Variants in PLXDC2 observed in about 807,000 individuals in gnomAD.
PLXDC2 encodes the protein plexin domain containing 2.
A neutral mutation model predicts 68.9 loss-of-function variants in PLXDC2; 40 were observed. The observed-to-expected ratio is 0.58, with a 90% confidence interval of 0.45 to 0.76. The LOEUF (loss-of-function observed/expected upper bound fraction) is 0.76. PLXDC2 is among the 30% of genes least tolerant of loss of function. The pLI is 0.00. For synonymous variants in PLXDC2, 243 were observed against 234.2 expected (o/e 1.04, Z -0.34); for missense variants, 644 against 661.9 (o/e 0.97, Z 0.30).
chr10:20,029,836 A>G (rs2131666268), intron 2 of PLXDC2, among the ~76,000 whole-genome samples: 1 of 152,272 alleles, frequency 6.6e-6, no homozygotes, highest in African/African-American at 2.4e-5. Context: ...TTAATAACTC[A>G]CGAAAGGATT....
intron 3 of PLXDC2, among the ~76,000 whole-genome samples, chr10:20,067,318 T>C (rs1027790347): frequency 9.9e-5 from 15 of 152,134 alleles, no homozygotes; most frequent in African/African-American, 3.6e-4. Flanking sequence ...TTATTTATCC[T>C]AGAACTCTTG....
At chr10:20,067,522 C>G (rs1013563847) in intron 3 of PLXDC2, among the ~76,000 whole-genome samples, 1 of 151,926 alleles carries the variant, frequency 6.6e-6, no homozygotes, top group African/African-American at 2.4e-5. Context: ...CCCATCTCTA[C>G]TAAAAATACA....
At chr10:19,994,437 T>G (rs1253407404) in intron 1 of PLXDC2, among the ~76,000 whole-genome samples, 2 of 147,194 alleles carry the variant, frequency 1.4e-5, no homozygotes, top group African/African-American at 5.0e-5. Context: ...CAAGCGATCC[T>G]CCAACCTCAG....
At chr10:20,244,221 C>T (rs1835558494) in intron 12 of PLXDC2, among the ~76,000 whole-genome samples, 1 of 152,118 alleles carries the variant, frequency 6.6e-6, no homozygotes, top group African/African-American at 2.4e-5. Flanking sequence ...AATTATACTG[C>T]ACATAATTCA....
chr10:20,006,190 A>G (rs1438374184), intron 2 of PLXDC2, among the ~76,000 whole-genome samples: 1 of 152,054 alleles, frequency 6.6e-6, no homozygotes, highest in African/African-American at 2.4e-5. Flanking sequence ...GAAAAAAAAA[A>G]GGTAAAAAAG....
At position 20,048,809 on chromosome 10, in the gene PLXDC2, T is replaced by C. The variant is rs115177264; in HGVS notation, c.471+1794T>C. On this transcript the variant is annotated intron_variant, in intron 3 of 13. Coordinates refer to ENST00000377252, the MANE Select transcript of PLXDC2 (RefSeq NM_032812.9). ...TCTCCTTAAAGAAGCCTGTTCTCTTTGCAATAGGTTTTACTTGGTTGCCTT... is the reference window on the plus strand; with the variant it reads ...TCTCCTTAAAGAAGCCTGTTCTCTTCGCAATAGGTTTTACTTGGTTGCCTT... Among the ~76,000 whole-genome samples the C allele has an allele frequency of 2.4e-3, 358 of 152,238 alleles. 2 individuals carry two copies. The highest frequency in any genetic ancestry group is 8.2e-3 in the African/African-American group (342 of 41,576).
In PLXDC2 at chr10:20,280,031, A is replaced by G. The variant is rs151228324; in HGVS notation, c.*212A>G. 5.9e-4 allele frequency: 299 copies of G among 507,076 alleles called. 2 individuals carry two copies. The highest frequency in any genetic ancestry group is 5.3e-3 in the African/African-American group (273 of 51,808). The allele number at this position is 507,076 out of a possible 1,614,324, so 31.4% of individuals were successfully genotyped here. On this transcript the variant is annotated 3_prime_UTR_variant, in exon 14 of 14. Coordinates refer to ENST00000377252, the MANE Select transcript of PLXDC2 (RefSeq NM_032812.9). ...ATACAAGATACCATTTACACTGAAC[A>G]TAGAATTCCCTAGTGGAATGTCATC...
chr10:20,142,021 A>G (rs1416491711), intron 4 of PLXDC2, among the ~76,000 whole-genome samples: 1 of 152,088 alleles, frequency 6.6e-6, no homozygotes, highest in Non-Finnish European at 1.5e-5. Context: ...AGGTATTCAA[A>G]GGAAAGAAGA....
chr10:20,256,956 A>G (rs1223221425), intron 13 of PLXDC2, among the ~76,000 whole-genome samples: 1 of 152,206 alleles, frequency 6.6e-6, no homozygotes, highest in Non-Finnish European at 1.5e-5. Context: ...GGAAAGAGTA[A>G]GTACCCCATA....
At chr10:19,995,897 G>C (rs1012217618) in intron 1 of PLXDC2, among the ~76,000 whole-genome samples, 1 of 152,180 alleles carries the variant, frequency 6.6e-6, no homozygotes, top group Non-Finnish European at 1.5e-5. Flanking sequence ...GTAGGGTAAA[G>C]GCTTTCATCC....
chr10:19,909,111 A>G (rs945291421), intron 1 of PLXDC2, among the ~76,000 whole-genome samples: 3 of 152,170 alleles, frequency 2.0e-5, no homozygotes, highest in African/African-American at 7.2e-5. Context: ...AGTGTGAGTT[A>G]CTACTCAGAA....
chr10:20,142,209 ATAT>A lies in PLXDC2; in HGVS notation c.542-1079_542-1077del, dbSNP rs763910535. Among the ~76,000 whole-genome samples the A allele has an allele frequency of 5.3e-5, 8 of 152,232 alleles. No individual in the cohort carries two copies. The East Asian group carries it at 1.5e-3, about 29-fold the overall frequency. On this transcript the variant is annotated intron_variant, in intron 4 of 13. Coordinates refer to ENST00000377252, the MANE Select transcript of PLXDC2 (RefSeq NM_032812.9). ...AAGTTTAACATTTTTTGAGCTTTAA[ATAT>A]TATTATCTTATTAATTCCTGTGAAA...
chr10:20,149,873 A>G (rs1427078290), intron 6 of PLXDC2, among the ~76,000 whole-genome samples: 2 of 152,198 alleles, frequency 1.3e-5, no homozygotes, highest in Non-Finnish European at 2.9e-5. Context: ...TAGTGCTGCA[A>G]TTAACATACA....
intron 4 of PLXDC2, among the ~76,000 whole-genome samples, chr10:20,125,545 A>G (rs957120485): frequency 2.6e-5 from 4 of 152,200 alleles, no homozygotes; most frequent in African/African-American, 7.2e-5. Context: ...AAAAGGGCAC[A>G]TGTCTCAATA....
intron 1 of PLXDC2, among the ~76,000 whole-genome samples, chr10:19,942,620 C>T (rs370631042): frequency 1.3e-4 from 20 of 152,172 alleles, no homozygotes; most frequent in African/African-American, 3.4e-4. Context: ...AATAATTAGC[C>T]GGGCATGGTG....
chr10:19,940,558 AAAAC>A (rs1349912257), intron 1 of PLXDC2, among the ~76,000 whole-genome samples: 422 of 151,986 alleles, frequency 2.8e-3, no homozygotes, highest in African/African-American at 9.1e-3. Context: ...CAAAAAAAAA[AAAAC>A]AAACAATTTT....
intron 1 of PLXDC2, among the ~76,000 whole-genome samples, chr10:19,884,971 A>G (rs1589518911): frequency 6.6e-6 from 1 of 152,230 alleles, no homozygotes; most frequent in Non-Finnish European, 1.5e-5. Context: ...TCCCACCAAC[A>G]GTGTAGAAGT....
chr10:20,168,167 T>C (rs1481871098), intron 7 of PLXDC2, among the ~76,000 whole-genome samples: 2 of 152,146 alleles, frequency 1.3e-5, no homozygotes, highest in African/African-American at 4.8e-5. Context: ...CTAAGACTTA[T>C]GTTAAAAAAG....
At chr10:19,960,440 G>A (rs1357451900) in intron 1 of PLXDC2, among the ~76,000 whole-genome samples, 3 of 151,956 alleles carry the variant, frequency 2.0e-5, no homozygotes, top group Non-Finnish European at 4.4e-5. Context: ...AAATGAAACA[G>A]AGGTTATCTC....
Sources: gnomAD v4.1 joint callset for allele counts (sites outside exome capture counted in the v4.1 genomes callset) on GRCh38, gnomAD v4.1.1 for gene constraint, MANE v1.5 for transcripts, NCBI Gene and HGNC (gene_info 2026-07-23, HGNC 2026-07-21) for gene names.